The following TGFB2 variants were observed in gnomAD, a reference collection of about 807,000 sequenced individuals.
The protein encoded by TGFB2 is transforming growth factor beta-2 proprotein.
Under a neutral mutation model 42.7 loss-of-function variants are expected in TGFB2, and 13 were observed. The observed-to-expected ratio is 0.30, with a 90% CI of 0.20 to 0.48. The LOEUF (loss-of-function observed/expected upper bound fraction) is 0.48, where lower values mean the gene tolerates loss of function less well. Among genes scored for constraint, TGFB2 ranks in the 20% least tolerant of loss-of-function variants. TGFB2 has a pLI of 0.99. For synonymous variants in TGFB2, 193 were observed against 193.6 expected, an observed-to-expected ratio of 1.00 and a Z score of 0.03; for missense variants, 390 against 517.5, an observed-to-expected ratio of 0.75 and a Z score of 2.39.
chr1:218,392,488 C>T (rs1433953680), intron 1 of TGFB2, among the ~76,000 whole-genome samples: 3 of 152,114 alleles, frequency 2.0e-5, no homozygotes, highest in African/African-American at 7.2e-5. Context: ...CAGCTGTCAG[C>T]CTGAGGTAGG....
intron 1 of TGFB2, among the ~76,000 whole-genome samples, chr1:218,370,345 T>C (rs1657531255): frequency 6.6e-6 from 1 of 152,192 alleles, no homozygotes; most frequent in South Asian, 2.1e-4. Context: ...GTAATTTCTT[T>C]CTCTGTGAGT....
rs961380813 is a variant in TGFB2, at chr1:218,416,242, C to T, written c.510+10910C>T. 2.6e-5 allele frequency among the ~76,000 whole-genome samples: 4 copies of T among 152,164 alleles called. No homozygotes were observed. The East Asian group carries it at 7.7e-4, about 29-fold the overall frequency. On this transcript the variant is annotated intron_variant, in intron 2 of 6. Coordinates refer to ENST00000366930, the MANE Select transcript of TGFB2 (RefSeq NM_003238.6). ...TTACTACCTCTCCCTGCTCCACCAC[C>T]ACACAAATAGGTTTGATATATGCTT...
chr1:218,413,885 C>A (rs1417817498), intron 2 of TGFB2, among the ~76,000 whole-genome samples: 1 of 152,102 alleles, frequency 6.6e-6, no homozygotes, highest in African/African-American at 2.4e-5. Flanking sequence ...TCATTTACAT[C>A]CATTTAGTTT....
At chr1:218,388,478 G>A (rs901260410) in intron 1 of TGFB2, among the ~76,000 whole-genome samples, 99 of 152,300 alleles carry the variant, frequency 6.5e-4, no homozygotes, top group Admixed American at 1.5e-3. Context: ...TGGACCCGTG[G>A]CCCCCTCGCC....
rs1377649301 is a variant in TGFB2 at position 218,441,795 on chromosome 1, C to A, written c.*433C>A. 6.4e-6 allele frequency: 1 copy of A among 156,242 alleles called. No individual in the cohort carries two copies. Among genetic ancestry groups the A allele is most frequent in the African/African-American group, 2.4e-5 (1 of 41,472 alleles). The allele number at this position is 156,242 out of a possible 1,614,324, so 9.7% of individuals were successfully genotyped here. The stretch of plus-strand genomic sequence containing the variant: ...TTTCTGTATTGCTATGCAATAGGCA[C>A]CCTTCCCATTCTTACTCTTAGAGTT... On this transcript the variant is annotated 3_prime_UTR_variant, in exon 7 of 7. Coordinates refer to ENST00000366930, the MANE Select transcript of TGFB2 (RefSeq NM_003238.6).
At position 218,437,467 on chromosome 1, in the gene TGFB2, T is replaced by G. The variant is rs777045186; in HGVS notation, c.1057T>G (p.Leu353Val). ...ANFCAGACPY[L>V]WSSDTQHSRV... ...CTTCTGTGCTGGAGCATGCCCGTAT[T>G]TATGGAGTTCAGACACTCAGCACAG... Residue 353 changes from leucine to valine, a missense_variant, in exon 6 of 7, where the codon TTA becomes GTA. Leu to Val is a conservative substitution (Grantham distance 32). Coordinates refer to ENST00000366930, the MANE Select transcript of TGFB2 (RefSeq NM_003238.6). 7 of 1,613,400 alleles carry G rather than the reference T, an allele frequency of 4.3e-6. No individual in the cohort carries two copies. The East Asian group carries it at 1.6e-4, about 36-fold the overall frequency.
intron 6 of TGFB2, among the ~76,000 whole-genome samples, chr1:218,440,342 A>G (rs1660112188): frequency 7.7e-6 from 1 of 130,344 alleles, no homozygotes. Flanking sequence ...GTAAAAAAAC[A>G]GGCTTTTTTT....
chr1:218,423,383 C>A (rs990658587), intron 2 of TGFB2, among the ~76,000 whole-genome samples: 21 of 152,286 alleles, frequency 1.4e-4, no homozygotes, highest in African/African-American at 5.1e-4. Flanking sequence ...CAAGGGACCA[C>A]ATGCTCAGCA....
chr1:218,359,198 T>C (rs1657135053), intron 1 of TGFB2, among the ~76,000 whole-genome samples: 1 of 152,218 alleles, frequency 6.6e-6, no homozygotes, highest in Non-Finnish European at 1.5e-5. Flanking sequence ...CACCTTCAGA[T>C]GGATCTGTTA....
At chr1:218,433,939 C>A in intron 2 of TGFB2, 143 bp from the exon 3 acceptor site, 2 of 1,076,506 alleles carry the variant, frequency 1.9e-6, no homozygotes, top group Non-Finnish European at 2.7e-6. Context: ...TGCATGTGAC[C>A]ATGCAATTGA....
Position 218,346,655 on chromosome 1 carries a change from T to G in TGFB2, c.-47T>G, listed in dbSNP as rs199596910. ...CTTTGAGAATTGTTGATTTCTTTTT[T>G]TTATTCTGACTTTTAAAAACAACTT... On this transcript the variant is annotated 5_prime_UTR_variant, in exon 1 of 7. Coordinates refer to ENST00000366930, the MANE Select transcript of TGFB2 (RefSeq NM_003238.6). The surrounding 1 kb of genome is among the most constrained non-coding windows in gnomAD (Gnocchi z 4.9). 3.4e-5 allele frequency: 51 copies of G among 1,500,616 alleles called. 1 individual carries two copies. Among genetic ancestry groups the G allele is most frequent in the Non-Finnish European group, 1.8e-6 (2 of 1,105,722 alleles). 93.0% of individuals were successfully genotyped at this position (1,500,616 alleles called of 1,614,324 possible).
chr1:218,441,468 C>A lies in TGFB2; in HGVS notation c.*106C>A. 1.5e-6 allele frequency: 2 copies of A among 1,293,438 alleles called. No individual in the cohort carries two copies. Among genetic ancestry groups the A allele is most frequent in the South Asian group, 1.7e-5 (1 of 60,496 alleles). The allele number at this position is 1,293,438 out of a possible 1,614,324, so 80.1% of individuals were successfully genotyped here. A position where few individuals can be genotyped will look rare whatever the true frequency, so the allele number is the denominator to read the frequency against. ...AAGAAAACATAAGAGAGCCTTGGTT[C>A]ATCAGTGTTAAAAAATTTTTGAAAA... On this transcript the variant is annotated 3_prime_UTR_variant, in exon 7 of 7. Coordinates refer to ENST00000366930, the MANE Select transcript of TGFB2 (RefSeq NM_003238.6).
chr1:218,432,915 T>A (rs1472937811), intron 2 of TGFB2, among the ~76,000 whole-genome samples: 1 of 152,168 alleles, frequency 6.6e-6, no homozygotes, highest in African/African-American at 2.4e-5. Context: ...AGACTTAGAA[T>A]CATGATTTAG....
intron 1 of TGFB2, among the ~76,000 whole-genome samples, chr1:218,350,396 A>G (rs1346609736): frequency 6.6e-6 from 1 of 152,072 alleles, no homozygotes; most frequent in Non-Finnish European, 1.5e-5. Context: ...ACCGGTATTT[A>G]GTGGGTCAGC....
chr1:218,380,582 GTA>G (rs1051785631), intron 1 of TGFB2, among the ~76,000 whole-genome samples: 42 of 152,272 alleles, frequency 2.8e-4, no homozygotes, highest in African/African-American at 7.2e-4. Context: ...AGGCTGCAGA[GTA>G]TATGTGTCCG....
intron 1 of TGFB2, among the ~76,000 whole-genome samples, chr1:218,389,067 A>G (rs1290635897): frequency 4.6e-5 from 7 of 152,150 alleles, no homozygotes; most frequent in Admixed American, 4.6e-4. Context: ...AGTCACTTAC[A>G]TCGAATCATT....
At chr1:218,412,053 A>G (rs568867952) in intron 2 of TGFB2, among the ~76,000 whole-genome samples, 13 of 152,282 alleles carry the variant, frequency 8.5e-5, no homozygotes, top group African/African-American at 2.6e-4. Flanking sequence ...CACTGTGTAA[A>G]GTAAAGTAAT....
chr1:218,377,443 TGA>T (rs1190726467), intron 1 of TGFB2, among the ~76,000 whole-genome samples: 1 of 152,238 alleles, frequency 6.6e-6, no homozygotes. Flanking sequence ...ATGGTATGTG[TGA>T]GTCATGTCTC....
At chr1:218,436,231 C>T in intron 5 of TGFB2, 84 bp downstream of exon 5, 1 of 1,419,318 alleles carries the variant, frequency 7.0e-7, no homozygotes, top group South Asian at 1.4e-5. Context: ...GTGTATTGAC[C>T]CAAGTGGAAC....
Sources: allele counts gnomAD v4.1 joint callset (sites outside exome capture counted in the v4.1 genomes callset), GRCh38; gene constraint gnomAD v4.1.1; non-coding constraint Gnocchi (gnomAD v3.1); transcripts MANE v1.5; gene names NCBI Gene and HGNC (gene_info 2026-07-23, HGNC 2026-07-21).